The following UNC5C variants were observed in gnomAD, a reference collection of about 807,000 sequenced individuals.
The protein encoded by UNC5C is netrin receptor UNC5C.
A neutral mutation model predicts 99.8 loss-of-function variants in UNC5C; 47 were observed. The observed-to-expected ratio is 0.47, with a 90% confidence interval of 0.37 to 0.60. The LOEUF (loss-of-function observed/expected upper bound fraction) is 0.60. UNC5C is among the 20% of genes least tolerant of loss of function. The pLI is 0.00. For synonymous variants in UNC5C, 487 were observed against 452.2 expected, an observed-to-expected ratio of 1.08 and a Z score of -0.98; for missense variants, 1,062 against 1,165.9, an observed-to-expected ratio of 0.91 and a Z score of 1.30.
At chr4:95,505,124 TG>T (rs1465129760) in intron 1 of UNC5C, among the ~76,000 whole-genome samples, 1 of 152,124 alleles carries the variant, frequency 6.6e-6, no homozygotes, top group Non-Finnish European at 1.5e-5. Flanking sequence ...CTGCTTTAAC[TG>T]GTCCGTTATC....
At chr4:95,188,803 A>G (rs1186344910) in intron 12 of UNC5C, among the ~76,000 whole-genome samples, 2 of 152,200 alleles carry the variant, frequency 1.3e-5, no homozygotes. Context: ...TTAGGCTGCC[A>G]GGAACCATGT....
intron 12 of UNC5C, among the ~76,000 whole-genome samples, chr4:95,195,327 C>CCATA (rs1229273240): frequency 1.3e-5 from 2 of 152,178 alleles, no homozygotes; most frequent in African/African-American, 2.4e-5. Flanking sequence ...ACGCTCCCTC[C>CCATA]CATACACACA....
chr4:95,260,486 A>C (rs2149386289), intron 4 of UNC5C, among the ~76,000 whole-genome samples: 1 of 152,262 alleles, frequency 6.6e-6, no homozygotes, highest in Middle Eastern at 3.4e-3. Flanking sequence ...CCTTCGATCC[A>C]TGGCTTTGAT....
chr4:95,435,946 A>C (rs1310490905), intron 1 of UNC5C, among the ~76,000 whole-genome samples: 2 of 152,028 alleles, frequency 1.3e-5, no homozygotes, highest in Admixed American at 6.6e-5. Context: ...TTTTATTTCC[A>C]ATTTTGCATA....
intron 11 of UNC5C, 97 bp downstream of exon 11, chr4:95,206,531 C>G: frequency 6.5e-7 from 1 of 1,548,440 alleles, no homozygotes; most frequent in South Asian, 1.2e-5. Flanking sequence ...AAATTCCACT[C>G]ATGTTTTGCT....
chr4:95,491,413 A>G (rs1175285684), intron 1 of UNC5C, among the ~76,000 whole-genome samples: 1 of 151,688 alleles, frequency 6.6e-6, no homozygotes, highest in Admixed American at 6.6e-5. Context: ...TATTTTAATG[A>G]ACATTTTAAA....
At chr4:95,276,409 A>C (rs1740861092) in intron 4 of UNC5C, among the ~76,000 whole-genome samples, 1 of 152,196 alleles carries the variant, frequency 6.6e-6, no homozygotes, top group Non-Finnish European at 1.5e-5. Flanking sequence ...ACAGCCAATT[A>C]GTTTGCAGTC....
intron 1 of UNC5C, among the ~76,000 whole-genome samples, chr4:95,355,839 A>G (rs1170334968): frequency 6.6e-6 from 1 of 152,048 alleles, no homozygotes; most frequent in Non-Finnish European, 1.5e-5. Flanking sequence ...ATAAAAGTCA[A>G]TACTCTTCAT....
At chr4:95,245,604 G>A (rs924443891) in intron 5 of UNC5C, among the ~76,000 whole-genome samples, 13 of 152,132 alleles carry the variant, frequency 8.5e-5, no homozygotes, top group African/African-American at 2.4e-4. Flanking sequence ...ACTTTACAAC[G>A]TTTTAAGGAT....
At chr4:95,434,710 G>T (rs1384998081) in intron 1 of UNC5C, among the ~76,000 whole-genome samples, 1 of 151,990 alleles carries the variant, frequency 6.6e-6, no homozygotes, top group African/African-American at 2.4e-5. Flanking sequence ...TCTAGGAAAA[G>T]TTCAAAGCCA....
intron 1 of UNC5C, among the ~76,000 whole-genome samples, chr4:95,477,708 C>T (rs1720980350): frequency 6.6e-6 from 1 of 152,024 alleles, no homozygotes; most frequent in South Asian, 2.1e-4. Flanking sequence ...TTAAACTTTC[C>T]TACATCCACA....
At chr4:95,320,202 G>A (rs1246632275) in intron 2 of UNC5C, among the ~76,000 whole-genome samples, 4 of 151,908 alleles carry the variant, frequency 2.6e-5, no homozygotes, top group African/African-American at 9.7e-5. Context: ...TGGGCAGGTC[G>A]CCTGAGGTCA....
intron 1 of UNC5C, among the ~76,000 whole-genome samples, chr4:95,425,140 A>G (rs1296267731): frequency 1.3e-5 from 2 of 152,166 alleles, no homozygotes; most frequent in Admixed American, 6.5e-5. Flanking sequence ...GAAGGTCAGT[A>G]TTGAAAAGGC....
intron 12 of UNC5C, among the ~76,000 whole-genome samples, chr4:95,202,346 A>T (rs1737711226): frequency 6.6e-6 from 1 of 152,262 alleles, no homozygotes; most frequent in Non-Finnish European, 1.5e-5. Flanking sequence ...ATAGGAAAGC[A>T]TATAAATGAA....
At chr4:95,313,560 A>C (rs1006054232) in intron 2 of UNC5C, among the ~76,000 whole-genome samples, 2 of 152,208 alleles carry the variant, frequency 1.3e-5, no homozygotes. Flanking sequence ...ATGTATCCAG[A>C]ATAATAATTA....
chr4:95,202,433 A>G (rs1560730106), intron 12 of UNC5C, among the ~76,000 whole-genome samples: 1 of 152,238 alleles, frequency 6.6e-6, no homozygotes, highest in South Asian at 2.1e-4. Context: ...TGAGATAAAC[A>G]TGGAAGCAGA....
chr4:95,324,916 A>G (rs930091899), intron 2 of UNC5C, among the ~76,000 whole-genome samples: 1 of 152,194 alleles, frequency 6.6e-6, no homozygotes, highest in African/African-American at 2.4e-5. Flanking sequence ...ATTTTGCTAC[A>G]GCAGCCCAAA....
intron 3 of UNC5C, among the ~76,000 whole-genome samples, chr4:95,296,569 T>C (rs1047556197): frequency 6.6e-6 from 1 of 152,174 alleles, no homozygotes; most frequent in African/African-American, 2.4e-5. Flanking sequence ...TGCAAATTAC[T>C]GAAAATTGAA....
rs558373316 is a variant in UNC5C, at chr4:95,467,519, A to G, written c.124+81215T>C. 9.2e-5 allele frequency among the ~76,000 whole-genome samples: 14 copies of G among 152,276 alleles called. 1 individual carries two copies. In the South Asian group the frequency reaches 2.1e-3, roughly 23 times the overall value. ...GTTACAATCATCATTATGTGGCAAC[A>G]TTTTCTGTAGTTAATGAAAATTACT... On this transcript the variant is annotated intron_variant, in intron 1 of 15. Coordinates refer to ENST00000453304, the MANE Select transcript of UNC5C (RefSeq NM_003728.4).
Sources: gnomAD v4.1 joint callset for allele counts (sites outside exome capture counted in the v4.1 genomes callset) on GRCh38, gnomAD v4.1.1 for gene constraint, MANE v1.5 for transcripts, NCBI Gene and HGNC (gene_info 2026-07-23, HGNC 2026-07-21) for gene names.